ZNF277: variants seen among roughly 807,000 people sequenced by gnomAD.
The protein encoded by ZNF277 is zinc finger protein 277.
ZNF277 carries 55 observed loss-of-function variants against 60.7 expected under a neutral mutation model. The ratio of observed to expected loss-of-function variants is 0.91; its 90% confidence interval spans 0.73 to 1.13. The LOEUF (loss-of-function observed/expected upper bound fraction) is 1.13, where lower values mean the gene tolerates loss of function less well. ZNF277 is among the 50% of genes most tolerant of loss of function. The probability of loss-of-function intolerance (pLI) is 0.00; values close to 1 mark genes in which losing one functional copy is unlikely to be tolerated. For synonymous variants in ZNF277, 178 were observed against 179.3 expected, an observed-to-expected ratio of 0.99 and a Z score of 0.06; for missense variants, 510 against 523.0, an observed-to-expected ratio of 0.98 and a Z score of 0.24.
intron 1 of ZNF277, among the ~76,000 whole-genome samples, chr7:112,239,583 T>C (rs1322065512): frequency 6.6e-6 from 1 of 152,194 alleles, no homozygotes; most frequent in African/African-American, 2.4e-5. Context: ...AACAAGAGAC[T>C]CTGCCTGTTA....
chr7:112,295,857 T>A lies in ZNF277; in HGVS notation c.294-12T>A. 1.9e-6 allele frequency: 3 copies of A among 1,596,704 alleles called. No homozygotes were observed. The highest frequency in any genetic ancestry group is 2.6e-6 in the Non-Finnish European group (3 of 1,165,454). ...AATCTTCTCATCGTTCCTTATTTTA[T>A]GTTGTTCTAAGGTACATTTTATATT... On this transcript the variant is annotated splice_polypyrimidine_tract_variant and intron_variant, in intron 2 of 11. Transcript: ENST00000361822.
intron 1 of ZNF277, among the ~76,000 whole-genome samples, chr7:112,207,479 G>A (rs893027520): frequency 5.9e-5 from 9 of 152,250 alleles, no homozygotes; most frequent in African/African-American, 2.2e-4. Flanking sequence ...ATTTGCACTC[G>A]TGGCTTCAAA....
At chr7:112,336,295 A>G in intron 8 of ZNF277, 124 bp downstream of exon 8, 1 of 757,600 alleles carries the variant, frequency 1.3e-6, no homozygotes, top group Non-Finnish European at 2.0e-6. Flanking sequence ...TGAGCCATGC[A>G]TCCCTTCATG....
intron 1 of ZNF277, among the ~76,000 whole-genome samples, chr7:112,215,297 G>T (rs1426230409): frequency 6.6e-6 from 1 of 152,178 alleles, no homozygotes; most frequent in African/African-American, 2.4e-5. Flanking sequence ...ATTAAAGCTG[G>T]AATCAAGACA....
At chr7:112,257,349 T>A (rs936329875) in intron 1 of ZNF277, among the ~76,000 whole-genome samples, 1 of 151,560 alleles carries the variant, frequency 6.6e-6, no homozygotes, top group Non-Finnish European at 1.5e-5. Context: ...TTCATCAAAC[T>A]TAAAAACTGG....
intron 5 of ZNF277, among the ~76,000 whole-genome samples, 200 bp from the exon 6 acceptor site, chr7:112,327,517 G>A (rs112483205): frequency 2.0e-5 from 3 of 152,234 alleles, no homozygotes; most frequent in African/African-American, 7.2e-5. Context: ...ACAAACTTTG[G>A]TATCCCTTTA....
In ZNF277 at chr7:112,296,290, A is replaced by G. The variant is rs769083596; in HGVS notation, c.444A>G (p.Glu148=). The G allele has an allele frequency of 2.5e-6, 4 of 1,587,550 alleles. No homozygotes were observed. The African/African-American group carries it at 5.4e-5, about 21-fold the overall frequency. The change falls in exon 4 of 12, where the codon GAA becomes GAG. Residue 148 remains glutamate (E), a synonymous_variant. Transcript: ENST00000361822. ...TACCAGAAGATAGAATTCTTAGAGAAGAGCTTCAGAAACAGAGACTGGTAA... is the reference window on the plus strand; with the variant it reads ...TACCAGAAGATAGAATTCTTAGAGAGGAGCTTCAGAAACAGAGACTGGTAA... ...DVLPEDRILR[E]ELQKQRLREI...
At chr7:112,269,283 T>C (rs1584362307) in intron 1 of ZNF277, among the ~76,000 whole-genome samples, 1 of 152,092 alleles carries the variant, frequency 6.6e-6, no homozygotes, top group East Asian at 1.9e-4. Context: ...GTGTCTTTTT[T>C]CCATGAATGA....
chr7:112,264,289 A>G (rs2117029012), intron 1 of ZNF277, among the ~76,000 whole-genome samples: 1 of 152,278 alleles, frequency 6.6e-6, no homozygotes, highest in Non-Finnish European at 1.5e-5. Context: ...CTAATGCCCA[A>G]ACTTTCTTTA....
chr7:112,294,077 C>T (rs1256223649), intron 2 of ZNF277, among the ~76,000 whole-genome samples: 5 of 152,164 alleles, frequency 3.3e-5, no homozygotes, highest in African/African-American at 1.2e-4. Flanking sequence ...TTCCTTCATC[C>T]CTGTCACCAC....
intron 1 of ZNF277, among the ~76,000 whole-genome samples, chr7:112,241,220 AAAG>A (rs1790939936): frequency 1.3e-5 from 2 of 152,214 alleles, no homozygotes; most frequent in Non-Finnish European, 2.9e-5. Flanking sequence ...ACATTTCTCA[AAAG>A]AAGACAAACA....
rs77724270 is a variant in ZNF277, at chr7:112,301,183, C to T, written c.465+4872C>T. Reference sequence around the variant, plus strand: ...GCTTCCCGGGGTCAAGTGATCCTTTCGTAGCGATGGGGTCTCACTATATTG... The same window carrying T: ...GCTTCCCGGGGTCAAGTGATCCTTTTGTAGCGATGGGGTCTCACTATATTG... On this transcript the variant is annotated intron_variant, in intron 4 of 11. Coordinates refer to ENST00000361822, the MANE Select transcript of ZNF277 (RefSeq NM_021994.3). 1.7e-4 allele frequency among the ~76,000 whole-genome samples: 26 copies of T among 151,848 alleles called. 1 individual carries two copies. The East Asian group carries it at 4.3e-3, about 25-fold the overall frequency.
At chr7:112,296,146 C>G in intron 3 of ZNF277, 83 bp from the exon 4 acceptor site, 2 of 1,075,956 alleles carry the variant, frequency 1.9e-6, no homozygotes, top group Non-Finnish European at 1.4e-6. Context: ...ACACACACAT[C>G]TGTATTTTTT....
chr7:112,305,816 C>T (rs1161070166), intron 4 of ZNF277, among the ~76,000 whole-genome samples: 1 of 151,996 alleles, frequency 6.6e-6, no homozygotes, highest in Non-Finnish European at 1.5e-5. Context: ...GATGTCAGTT[C>T]CTCAAAGGAA....
chr7:112,311,054 T>A (rs1486085784), intron 4 of ZNF277, among the ~76,000 whole-genome samples: 1 of 152,192 alleles, frequency 6.6e-6, no homozygotes, highest in Admixed American at 6.5e-5. Context: ...CTTTCCTGTG[T>A]ATAAATTCTT....
chr7:112,296,046 CT>C (rs1221958898), intron 3 of ZNF277, 89 bp downstream of exon 3: 8 of 1,136,180 alleles, frequency 7.0e-6, no homozygotes, highest in Non-Finnish European at 1.0e-5. Flanking sequence ...ATTACTTTTA[CT>C]TTCATGATAG....
chr7:112,272,255 G>T (rs1330266046), intron 1 of ZNF277, among the ~76,000 whole-genome samples: 1 of 152,146 alleles, frequency 6.6e-6, no homozygotes, highest in Admixed American at 6.5e-5. Flanking sequence ...TGTTGCAGAT[G>T]ACAAGATCTC....
In ZNF277 at chr7:112,318,174, CT is replaced by C. The variant is rs1314456708; in HGVS notation, c.466-5del. On this transcript the variant is annotated splice_region_variant and splice_polypyrimidine_tract_variant and intron_variant, in intron 4 of 11. Transcript: ENST00000361822. Reference sequence around the variant, plus strand: ...AGATAATACCATAAATCTGTTTCTACTTTCCAGAGAGAAATTCTGGAACAAC... The same window carrying C: ...AGATAATACCATAAATCTGTTTCTACTTCCAGAGAGAAATTCTGGAACAAC... The C allele has an allele frequency of 6.2e-7, 1 of 1,607,856 alleles. No homozygotes were observed. Among genetic ancestry groups the C allele is most frequent in the African/African-American group, 1.3e-5 (1 of 74,780 alleles).
intron 1 of ZNF277, among the ~76,000 whole-genome samples, chr7:112,246,089 G>T (rs1008608185): frequency 6.6e-6 from 1 of 152,050 alleles, no homozygotes; most frequent in Non-Finnish European, 1.5e-5. Context: ...AACTACATTG[G>T]TATAAAAGGT....
Sources: gnomAD v4.1 joint callset for allele counts (sites outside exome capture counted in the v4.1 genomes callset) on GRCh38, gnomAD v4.1.1 for gene constraint, MANE v1.5 for transcripts, NCBI Gene and HGNC (gene_info 2026-07-23, HGNC 2026-07-21) for gene names.